Variants in ABCA12 observed in about 807,000 individuals in gnomAD.
The protein encoded by ABCA12 is glucosylceramide transporter ABCA12.
A neutral mutation model predicts 293.5 loss-of-function variants in ABCA12; 156 were observed. The observed-to-expected ratio is 0.53, with a 90% CI of 0.47 to 0.61. ABCA12 has a LOEUF of 0.61. ABCA12 is among the 20% of genes least tolerant of loss of function. ABCA12 has a pLI of 0.00. For missense variants in ABCA12, 2,797 were observed against 3,090.2 expected (o/e 0.91, Z 2.25); for synonymous variants, 1,063 against 1,108.0 (o/e 0.96, Z 0.81).
At chr2:214,968,828 A>G (rs752439743) in intron 37 of ABCA12, 21 bp from the exon 38 acceptor site, 3 of 1,605,118 alleles carry the variant, frequency 1.9e-6, no homozygotes, top group Middle Eastern at 1.7e-4. Context: ...TAATAAAAAT[A>G]TATCTTTGGT....
At chr2:215,119,974 C>T (rs1430685808) in intron 1 of ABCA12, among the ~76,000 whole-genome samples, 1 of 152,128 alleles carries the variant, frequency 6.6e-6, no homozygotes, top group Non-Finnish European at 1.5e-5. Flanking sequence ...TACATACACT[C>T]ACCATGCTAC....
intron 2 of ABCA12, among the ~76,000 whole-genome samples, chr2:215,070,751 T>C (rs1701721315): frequency 6.6e-6 from 1 of 152,022 alleles, no homozygotes. Flanking sequence ...AGAGAGAGTA[T>C]GTGAATCTGG....
chr2:215,111,608 G>T lies in ABCA12; in HGVS notation c.152C>A (p.Ala51Glu), dbSNP rs764100720. ...AITRTKFPPT[A>E]KPTCYLAPRN... ...TGTCATTTACTTACAAGTTGGTTTTGCAGTTGGAGGAAATTTGGTCCGAGT... is the reference window on the plus strand; with the variant it reads ...TGTCATTTACTTACAAGTTGGTTTTTCAGTTGGAGGAAATTTGGTCCGAGT... The change falls in exon 2 of 53, where the codon GCA (alanine) becomes GAA (glutamate). Residue 51 changes from alanine to glutamate, a missense_variant. Physicochemically the swap from Ala to Glu is moderately radical, Grantham distance 107 (BLOSUM62 -1). Transcript: ENST00000272895. 6 of 1,610,104 alleles carry T rather than the reference G, an allele frequency of 3.7e-6. No homozygotes were observed. Among genetic ancestry groups the T allele is most frequent in the South Asian group, 2.2e-5 (2 of 90,818 alleles).
chr2:215,047,744 T>C (rs1701231735), intron 6 of ABCA12, among the ~76,000 whole-genome samples: 1 of 151,968 alleles, frequency 6.6e-6, no homozygotes, highest in Non-Finnish European at 1.5e-5. Flanking sequence ...GCAACACAAT[T>C]CTAGACACAG....
chr2:215,133,586 G>T (rs1262574873), intron 1 of ABCA12, among the ~76,000 whole-genome samples: 1 of 151,962 alleles, frequency 6.6e-6, no homozygotes, highest in Non-Finnish European at 1.5e-5. Context: ...ATCTCTGCTG[G>T]AATATTTCTT....
chr2:214,954,543 A>G (rs1356236232), intron 43 of ABCA12, among the ~76,000 whole-genome samples: 1 of 152,206 alleles, frequency 6.6e-6, no homozygotes, highest in Non-Finnish European at 1.5e-5. Context: ...AAGAGCCAAC[A>G]TGTCTCGAAG....
chr2:214,942,996 G>C lies in ABCA12; in HGVS notation c.7365C>G (p.Leu2455=), dbSNP rs1698455806. The C allele has an allele frequency of 1.2e-6, 2 of 1,613,338 alleles. No individual in the cohort carries two copies. The highest frequency in any genetic ancestry group is 1.7e-6 in the Non-Finnish European group (2 of 1,179,784). The change falls in exon 50 of 53, where the codon CTC becomes CTG. Residue 2455 remains leucine (L), a synonymous_variant. Coordinates refer to ENST00000272895, the MANE Select transcript of ABCA12 (RefSeq NM_173076.3). ...TCACCATAATGGCCAACCTGGTACA[G>C]AGAGCTTCACATTCTTCCATGCTAA... ...TSHSMEECEA[L]CTRLAIMVNG... is the part of the protein sequence containing the mutation.
chr2:214,932,552 A>T lies in ABCA12; in HGVS notation c.*82T>A. ...TATTACTTTACTTTAAAATGAAGAT[A>T]TCTTGCGGAAGTGTATCTTCTGTGG... On this transcript the variant is annotated 3_prime_UTR_variant, in exon 53 of 53. Transcript: ENST00000272895. 1 of 988,478 alleles carries T rather than the reference A, an allele frequency of 1.0e-6. No homozygotes were observed. Among genetic ancestry groups the T allele is most frequent in the Non-Finnish European group, 1.6e-6 (1 of 625,020 alleles). The allele number at this position is 988,478 out of a possible 1,614,324, so 61.2% of individuals were successfully genotyped here.
chr2:214,950,818 T>G, intron 45 of ABCA12, 61 bp downstream of exon 45: 1 of 1,570,314 alleles, frequency 6.4e-7, no homozygotes, highest in Non-Finnish European at 8.8e-7. Context: ...AATTAAGATT[T>G]TAATTTGTCA....
intron 1 of ABCA12, among the ~76,000 whole-genome samples, chr2:215,115,725 C>T (rs1702672804): frequency 1.3e-5 from 2 of 152,306 alleles, no homozygotes; most frequent in South Asian, 2.1e-4. Flanking sequence ...ATTCTGTTCT[C>T]TTTTTCTTCT....
At chr2:214,977,769 C>G (rs1039315824) in intron 33 of ABCA12, among the ~76,000 whole-genome samples, 1 of 152,130 alleles carries the variant, frequency 6.6e-6, no homozygotes, top group Admixed American at 6.5e-5. Flanking sequence ...TTAATTAACT[C>G]AGAAACTCTC....
At position 214,958,382 on chromosome 2, in the gene ABCA12, A is replaced by G. The variant is rs1324777401; in HGVS notation, c.6012T>C (p.Phe2004=). 1.9e-6 allele frequency: 3 copies of G among 1,613,940 alleles called. No homozygotes were observed. Among genetic ancestry groups the G allele is most frequent in the Admixed American group, 1.7e-5 (1 of 59,990 alleles). Residue 2004 remains phenylalanine, a synonymous_variant, in exon 41 of 53, where the codon TTT becomes TTC. Transcript: ENST00000272895. ...GATGTTCCCTTACAACATAGGTGAC[A>G]AAGCTGGCGGTGGTGACAGAGTAGC... ...LMGYSVTTAS[F]VTYVVREHQT...
chr2:214,975,643 A>T (rs1699497068), intron 34 of ABCA12, 142 bp downstream of exon 34: 3 of 1,188,758 alleles, frequency 2.5e-6, no homozygotes, highest in Non-Finnish European at 3.6e-6. Flanking sequence ...GCAATCAATC[A>T]AACTGTTCAT....
chr2:214,953,051 T>G (rs1303767120), intron 44 of ABCA12, among the ~76,000 whole-genome samples: 1 of 152,230 alleles, frequency 6.6e-6, no homozygotes, highest in Non-Finnish European at 1.5e-5. Flanking sequence ...CAATTAGAGA[T>G]AGTCTATGGA....
chr2:214,945,066 C>T lies in ABCA12; in HGVS notation c.7278G>A (p.Arg2426=), dbSNP rs1290282928. ...PSSGMDPKSK[R]HLWKIISEEV... is the part of the protein sequence containing the mutation. ...CTTCTGAAATGATCTTCCAGAGGTG[C>T]CGTTTCGACTTCGGATCCATGCCAG... The change falls in exon 49 of 53, where the codon CGG becomes CGA. Residue 2426 remains arginine (R), a synonymous_variant. Transcript: ENST00000272895. The T allele has an allele frequency of 3.7e-6, 6 of 1,613,594 alleles. No homozygotes were observed. Among genetic ancestry groups the T allele is most frequent in the Non-Finnish European group, 5.1e-6 (6 of 1,179,894 alleles).
chr2:214,993,026 C>T (rs185795761), intron 23 of ABCA12, among the ~76,000 whole-genome samples: 19 of 152,196 alleles, frequency 1.2e-4, no homozygotes, highest in African/African-American at 4.3e-4. Flanking sequence ...TTTTGCTCTA[C>T]GAGCAAAATA....
chr2:214,932,552 A>C lies in ABCA12; in HGVS notation c.*82T>G. Reference sequence around the variant, plus strand: ...TATTACTTTACTTTAAAATGAAGATATCTTGCGGAAGTGTATCTTCTGTGG... The same window carrying C: ...TATTACTTTACTTTAAAATGAAGATCTCTTGCGGAAGTGTATCTTCTGTGG... On this transcript the variant is annotated 3_prime_UTR_variant, in exon 53 of 53. Transcript: ENST00000272895. 1 of 988,478 alleles carries C rather than the reference A, an allele frequency of 1.0e-6. No homozygotes were observed. Among genetic ancestry groups the C allele is most frequent in the Non-Finnish European group, 1.6e-6 (1 of 625,020 alleles). 61.2% of individuals were successfully genotyped at this position (988,478 alleles called of 1,614,324 possible).
Position 214,932,560 on chromosome 2 carries a change from G to A in ABCA12, c.*74C>T. The A allele has an allele frequency of 1.9e-6, 2 of 1,071,722 alleles. No homozygotes were observed. Among genetic ancestry groups the A allele is most frequent in the Non-Finnish European group, 2.9e-6 (2 of 695,452 alleles). The allele number at this position is 1,071,722 out of a possible 1,614,324, so 66.4% of individuals were successfully genotyped here. On this transcript the variant is annotated 3_prime_UTR_variant, in exon 53 of 53. Transcript: ENST00000272895. ...TACTTTAAAATGAAGATATCTTGCG[G>A]AAGTGTATCTTCTGTGGCTTTTCTT...
At chr2:215,070,619 G>A (rs2106081690) in intron 2 of ABCA12, among the ~76,000 whole-genome samples, 1 of 141,444 alleles carries the variant, frequency 7.1e-6, no homozygotes, top group South Asian at 2.2e-4. Flanking sequence ...CCATCTATGA[G>A]TGAGAACATG....
Sources: allele counts gnomAD v4.1 joint callset (sites outside exome capture counted in the v4.1 genomes callset), GRCh38; gene constraint gnomAD v4.1.1; transcripts MANE v1.5; gene names NCBI Gene and HGNC (gene_info 2026-07-23, HGNC 2026-07-21).